AGBL4: variants seen among roughly 807,000 people sequenced by gnomAD.
AGBL4 encodes the protein cytosolic carboxypeptidase 6.
AGBL4 carries 58 observed loss-of-function variants against 66.4 expected under a neutral mutation model. The ratio of observed to expected loss-of-function variants is 0.87; its 90% confidence interval spans 0.71 to 1.09. The LOEUF is 1.09. Among genes scored for constraint, AGBL4 ranks in the 50% least tolerant of loss-of-function variants. The pLI is 0.00. For missense variants in AGBL4, 579 were observed against 631.0 expected (o/e 0.92, Z 0.88); for synonymous variants, 234 against 222.9 (o/e 1.05, Z -0.44).
chr1:48,627,470 T>C (rs1645523149), intron 9 of AGBL4, among the ~76,000 whole-genome samples: 1 of 149,230 alleles, frequency 6.7e-6, no homozygotes, highest in Admixed American at 6.6e-5. Flanking sequence ...GTTCTGTGTG[T>C]GTTATTTGAC....
chr1:48,553,380 T>C (rs908744575), intron 11 of AGBL4, among the ~76,000 whole-genome samples: 1 of 152,164 alleles, frequency 6.6e-6, no homozygotes, highest in Admixed American at 6.5e-5. Flanking sequence ...AAGACCAAAG[T>C]AAATATTTGC....
intron 4 of AGBL4, among the ~76,000 whole-genome samples, chr1:49,229,487 G>C (rs1159486803): frequency 6.6e-6 from 1 of 152,092 alleles, no homozygotes; most frequent in Non-Finnish European, 1.5e-5. Flanking sequence ...GAGCAAGCAG[G>C]GTAAGAACCA....
intron 1 of AGBL4, among the ~76,000 whole-genome samples, chr1:49,965,582 C>T (rs1467985034): frequency 6.6e-6 from 1 of 152,170 alleles, no homozygotes; most frequent in Non-Finnish European, 1.5e-5. Context: ...TTTCACTTAA[C>T]CTCCTTTTCT....
intron 3 of AGBL4, among the ~76,000 whole-genome samples, chr1:49,594,771 G>A (rs1287337210): frequency 2.0e-5 from 3 of 152,122 alleles, no homozygotes; most frequent in South Asian, 4.1e-4. Context: ...TATCATTGAT[G>A]GGCATTTGGG....
At chr1:49,527,763 T>C (rs1233840612) in intron 3 of AGBL4, among the ~76,000 whole-genome samples, 1 of 152,134 alleles carries the variant, frequency 6.6e-6, no homozygotes, top group Non-Finnish European at 1.5e-5. Flanking sequence ...CCAGCCAGAA[T>C]GAAGAGACTG....
At position 48,730,695 on chromosome 1, in the gene AGBL4, G is replaced by A. The variant is rs11205531; in HGVS notation, c.635-67454C>T. ...TTCTCAGGTTGATTAAAAGGCTTTC[G>A]TTAGACTCTAGATATTAATCACCTG... On this transcript the variant is annotated intron_variant, in intron 6 of 13. Transcript: ENST00000371839. Among the ~76,000 whole-genome samples the A allele has an allele frequency of 5.0e-3, 766 of 152,240 alleles. 10 individuals carry two copies. Among genetic ancestry groups the A allele is most frequent in the African/African-American group, 0.017 (721 of 41,524 alleles).
intron 3 of AGBL4, among the ~76,000 whole-genome samples, chr1:49,690,475 T>C (rs959284211): frequency 2.6e-5 from 4 of 152,224 alleles, no homozygotes; most frequent in Non-Finnish European, 5.9e-5. Flanking sequence ...GCACAAATCC[T>C]GTATAAACCA....
intron 3 of AGBL4, among the ~76,000 whole-genome samples, chr1:49,662,580 G>A (rs1312719453): frequency 6.6e-6 from 1 of 152,088 alleles, no homozygotes; most frequent in East Asian, 1.9e-4. Context: ...AGGTGAGAGA[G>A]GCAGAGAGTT....
chr1:49,200,999 A>C (rs1010834915), intron 4 of AGBL4, among the ~76,000 whole-genome samples: 1 of 152,188 alleles, frequency 6.6e-6, no homozygotes, highest in Non-Finnish European at 1.5e-5. Context: ...ATTAACATAC[A>C]AAAGGCACTC....
intron 1 of AGBL4, among the ~76,000 whole-genome samples, chr1:49,975,943 T>C (rs2148373196): frequency 6.6e-6 from 1 of 152,290 alleles, no homozygotes; most frequent in African/African-American, 2.4e-5. Context: ...TTTCTTATAT[T>C]TAACATGTCT....
intron 1 of AGBL4, among the ~76,000 whole-genome samples, chr1:49,988,707 A>C (rs914868063): frequency 3.3e-5 from 5 of 152,142 alleles, no homozygotes; most frequent in Admixed American, 1.3e-4. Context: ...CATATTACCA[A>C]AATAACTGAA....
intron 2 of AGBL4, among the ~76,000 whole-genome samples, chr1:49,739,214 C>T (rs1263483340): frequency 6.6e-6 from 1 of 152,108 alleles, no homozygotes; most frequent in Non-Finnish European, 1.5e-5. Context: ...CCTTAAAGGA[C>T]CTGATGGAGC....
At chr1:48,632,730 T>A (rs1291575874) in intron 9 of AGBL4, among the ~76,000 whole-genome samples, 2 of 152,234 alleles carry the variant, frequency 1.3e-5, no homozygotes, top group African/African-American at 4.8e-5. Flanking sequence ...TTATTGAATA[T>A]CTATTATCAG....
At chr1:49,333,250 C>T (rs923145706) in intron 3 of AGBL4, among the ~76,000 whole-genome samples, 5 of 152,170 alleles carry the variant, frequency 3.3e-5, no homozygotes, top group East Asian at 1.9e-4. Context: ...GAGGCCAAGG[C>T]GGGTGGATCA....
intron 5 of AGBL4, among the ~76,000 whole-genome samples, chr1:49,044,017 A>G (rs972261018): frequency 4.6e-5 from 7 of 152,198 alleles, no homozygotes; most frequent in Non-Finnish European, 1.0e-4. Flanking sequence ...GAATGTTTAG[A>G]GCCTGTCCAA....
chr1:49,114,731 G>A lies in AGBL4; in HGVS notation c.378-68931C>T, dbSNP rs139782054. On this transcript the variant is annotated intron_variant, in intron 4 of 13. Coordinates refer to ENST00000371839, the MANE Select transcript of AGBL4 (RefSeq NM_032785.4). The stretch of plus-strand genomic sequence containing the variant: ...TATTAATTGGCCTAATTTTAATATT[G>A]TTGTGTCTCAGGGAATACAGGGGCC... Among the ~76,000 whole-genome samples the A allele has an allele frequency of 5.3e-3, 799 of 151,586 alleles. 7 individuals are homozygous for A. The highest frequency in any genetic ancestry group is 6.6e-3 in the Non-Finnish European group (445 of 67,756).
rs1227915022 is a variant in AGBL4, at chr1:49,335,691, GT to G, written c.283-89828del. Among the ~76,000 whole-genome samples the G allele has an allele frequency of 2.6e-5, 4 of 151,782 alleles. No homozygotes were observed. The South Asian group carries it at 8.3e-4, about 32-fold the overall frequency. ...CCACCACACCCGGCTAATTTTTTGT[GT>G]TTTTAGTAGAGACGGGGTTTCACCA... On this transcript the variant is annotated intron_variant, in intron 3 of 13. Transcript: ENST00000371839.
intron 6 of AGBL4, among the ~76,000 whole-genome samples, chr1:48,743,897 T>G (rs934292532): frequency 6.6e-5 from 10 of 152,210 alleles, no homozygotes; most frequent in African/African-American, 2.4e-4. Context: ...AGAATCTCAA[T>G]CCTGAGTTGC....
intron 6 of AGBL4, among the ~76,000 whole-genome samples, chr1:48,672,438 A>T (rs1646291417): frequency 6.6e-6 from 1 of 152,216 alleles, no homozygotes; most frequent in Non-Finnish European, 1.5e-5. Flanking sequence ...CAGACTCCAA[A>T]GCCTGATGTC....
Sources: allele counts gnomAD v4.1 joint callset (sites outside exome capture counted in the v4.1 genomes callset), GRCh38; gene constraint gnomAD v4.1.1; transcripts MANE v1.5; gene names NCBI Gene and HGNC (gene_info 2026-07-23, HGNC 2026-07-21).